Variants in TRMT10A observed in about 807,000 individuals in gnomAD.
The protein encoded by TRMT10A is tRNA methyltransferase 10A.
TRMT10A carries 37 observed loss-of-function variants against 40.4 expected under a neutral mutation model. That is an observed-to-expected ratio of 0.92 (90% confidence interval 0.71 to 1.21). TRMT10A has a LOEUF of 1.21. TRMT10A is among the 50% of genes most tolerant of loss of function. The pLI, the probability that TRMT10A is intolerant of heterozygous loss-of-function variation, is 0.00. For synonymous variants in TRMT10A, 103 were observed against 134.1 expected (o/e 0.77, Z 1.60); for missense variants, 388 against 404.3 (o/e 0.96, Z 0.35).
intron 6 of TRMT10A, among the ~76,000 whole-genome samples, chr4:99,551,360 C>T (rs942839421): frequency 2.0e-5 from 3 of 152,158 alleles, no homozygotes; most frequent in African/African-American, 4.8e-5. Context: ...GCTTAAAATA[C>T]AGTCCTGCAC....
At chr4:99,556,354 A>G (rs1019018743) in intron 4 of TRMT10A, 134 bp from the exon 5 acceptor site, 2 of 790,324 alleles carry the variant, frequency 2.5e-6, no homozygotes, top group Non-Finnish European at 2.0e-6. Flanking sequence ...TAGAAAAAAA[A>G]TTTGTGACAT....
intron 7 of TRMT10A, 92 bp downstream of exon 7, chr4:99,550,793 G>T: frequency 1.1e-6 from 1 of 881,306 alleles, no homozygotes; most frequent in Non-Finnish European, 1.8e-6. Flanking sequence ...CCAGGAAGGT[G>T]TAATACTTTC....
chr4:99,548,164 A>T lies in TRMT10A; in HGVS notation c.*924T>A, dbSNP rs1207516635. On this transcript the variant is annotated 3_prime_UTR_variant, in exon 8 of 8. Coordinates refer to ENST00000394876, the MANE Select transcript of TRMT10A (RefSeq NM_001134665.3). Reference sequence around the variant, plus strand: ...ACATGATGAGGATAGTTATGTATTTACATGCATATTATCACATGTGTATTT... The same window carrying T: ...ACATGATGAGGATAGTTATGTATTTTCATGCATATTATCACATGTGTATTT... The T allele has an allele frequency of 6.6e-6, 1 of 151,612 alleles. No individual in the cohort carries two copies. The highest frequency in any genetic ancestry group is 2.4e-5 in the African/African-American group (1 of 41,274). 9.4% of individuals were successfully genotyped at this position (151,612 alleles called of 1,614,324 possible).
chr4:99,557,520 C>G (rs1724211545), intron 3 of TRMT10A, 104 bp from the exon 4 acceptor site: 1 of 881,636 alleles, frequency 1.1e-6, no homozygotes. Context: ...TATATACATA[C>G]AATTTTTCTT....
At position 99,557,518 on chromosome 4, in the gene TRMT10A, T is replaced by C. The variant is rs191759751; in HGVS notation, c.349-102A>G. 1,405 of 919,258 alleles carry C rather than the reference T, an allele frequency of 1.5e-3. 4 individuals carry two copies. Among genetic ancestry groups the C allele is most frequent in the Non-Finnish European group, 1.9e-3 (1,195 of 625,964 alleles). The allele number at this position is 919,258 out of a possible 1,614,324, so 56.9% of individuals were successfully genotyped here. On this transcript the variant is annotated intron_variant, in intron 3 of 7. Transcript: ENST00000394876. The stretch of plus-strand genomic sequence containing the variant: ...TAAGCAGAAGGGATGACTATATACA[T>C]ACAATTTTTCTTCTTAAATACAAAT...
At chr4:99,561,336 CCTAT>C (rs375382653) in intron 1 of TRMT10A, among the ~76,000 whole-genome samples, 2 of 152,156 alleles carry the variant, frequency 1.3e-5, no homozygotes, top group African/African-American at 2.4e-5. Flanking sequence ...ATATGCCTTT[CCTAT>C]CTAAGAAGTC....
intron 3 of TRMT10A, 96 bp downstream of exon 3, chr4:99,557,953 A>G: frequency 8.3e-7 from 1 of 1,208,876 alleles, no homozygotes; most frequent in Non-Finnish European, 1.1e-6. Flanking sequence ...ATTCATTTCA[A>G]TACACAAATT....
intron 2 of TRMT10A, among the ~76,000 whole-genome samples, chr4:99,558,823 C>T (rs1164981097): frequency 6.6e-6 from 1 of 152,056 alleles, no homozygotes; most frequent in African/African-American, 2.4e-5. Context: ...AATTACATCC[C>T]TTATCTAAGT....
rs1724047275 is a variant in TRMT10A, at chr4:99,553,676, T to C, written c.645+109A>G. ...AGCTCAGAAGGTGACTGACATATAGTAGGCACTCAATAAAGATGAGCTATC... is the reference window on the plus strand; with the variant it reads ...AGCTCAGAAGGTGACTGACATATAGCAGGCACTCAATAAAGATGAGCTATC... On this transcript the variant is annotated intron_variant, in intron 6 of 7. Coordinates refer to ENST00000394876, the MANE Select transcript of TRMT10A (RefSeq NM_001134665.3). 3.7e-6 allele frequency: 4 copies of C among 1,073,294 alleles called. No individual in the cohort carries two copies. The South Asian group carries it at 5.1e-5, about 14-fold the overall frequency. 66.5% of individuals were successfully genotyped at this position (1,073,294 alleles called of 1,614,324 possible).
At chr4:99,550,729 A>T (rs952451288) in intron 7 of TRMT10A, among the ~76,000 whole-genome samples, 156 bp downstream of exon 7, 1 of 152,188 alleles carries the variant, frequency 6.6e-6, no homozygotes, top group Non-Finnish European at 1.5e-5. Flanking sequence ...ATTTTCTAAT[A>T]CACATTATTT....
intron 6 of TRMT10A, among the ~76,000 whole-genome samples, chr4:99,552,985 G>A (rs561508404): frequency 2.0e-5 from 3 of 151,872 alleles, no homozygotes; most frequent in Admixed American, 1.3e-4. Context: ...GAAAAAATGT[G>A]GTTCTATATA....
At chr4:99,549,485 CTTCT>C in intron 7 of TRMT10A, 129 bp from the exon 8 acceptor site, 1 of 1,233,818 alleles carries the variant, frequency 8.1e-7, no homozygotes, top group Non-Finnish European at 1.1e-6. Flanking sequence ...GTTCTTAGCT[CTTCT>C]TTCTATTGTC....
intron 1 of TRMT10A, chr4:99,563,460 G>T (rs1383025290): frequency 1.7e-5 from 3 of 174,818 alleles, no homozygotes; most frequent in Non-Finnish European, 3.7e-5. Context: ...GCTTTAAAGA[G>T]GTAAAGCCCA....
intron 2 of TRMT10A, among the ~76,000 whole-genome samples, chr4:99,558,424 A>T (rs1724254163): frequency 6.6e-6 from 1 of 152,126 alleles, no homozygotes; most frequent in South Asian, 2.1e-4. Context: ...AAAATGATCT[A>T]AAGCTTTCTA....
At chr4:99,555,642 C>T (rs1417948081) in intron 5 of TRMT10A, among the ~76,000 whole-genome samples, 2 of 152,148 alleles carry the variant, frequency 1.3e-5, no homozygotes, top group African/African-American at 4.8e-5. Context: ...AGGAGATATT[C>T]ACATTCTTTC....
chr4:99,550,989 C>T lies in TRMT10A; in HGVS notation c.647G>A (p.Gly216Glu), dbSNP rs748618515. 1.9e-6 allele frequency: 3 copies of T among 1,605,774 alleles called. No individual in the cohort carries two copies. The highest frequency in any genetic ancestry group is 2.3e-5 in the East Asian group (1 of 44,400). ...GGLVDHNHHK[G>E]LTYKQASDYG... is the part of the protein sequence containing the mutation. ...ATCTGACGCTTGTTTATATGTGAGTCCCTAAAACAAAGACACTATGACTTC... is the reference window on the plus strand; with the variant it reads ...ATCTGACGCTTGTTTATATGTGAGTTCCTAAAACAAAGACACTATGACTTC... The change falls in exon 7 of 8, where the codon GGA (glycine) becomes GAA (glutamate). Residue 216 changes from glycine (G) to glutamate (E), a missense_variant and splice_region_variant. Coordinates refer to ENST00000394876, the MANE Select transcript of TRMT10A (RefSeq NM_001134665.3).
chr4:99,563,761 A>G (rs1724565743), intron 1 of TRMT10A, 152 bp downstream of exon 1: 2 of 457,872 alleles, frequency 4.4e-6, no homozygotes, highest in Non-Finnish European at 8.4e-6. Context: ...CATTTCCTTC[A>G]GCAAGAGCGC....
At chr4:99,553,975 C>T (rs1724061288) in intron 5 of TRMT10A, 41 bp from the exon 6 acceptor site, 5 of 1,575,266 alleles carry the variant, frequency 3.2e-6, no homozygotes, top group African/African-American at 1.4e-5. Flanking sequence ...TTAATAAGAC[C>T]TTATGAAAGT....
intron 4 of TRMT10A, among the ~76,000 whole-genome samples, chr4:99,556,534 T>C (rs932322346): frequency 6.9e-6 from 1 of 145,480 alleles, no homozygotes; most frequent in African/African-American, 2.6e-5. Context: ...AAGTTCCCAC[T>C]CCTCTTTTTT....
Sources: gnomAD v4.1 joint callset for allele counts (sites outside exome capture counted in the v4.1 genomes callset) on GRCh38, gnomAD v4.1.1 for gene constraint, MANE v1.5 for transcripts, NCBI Gene and HGNC (gene_info 2026-07-23, HGNC 2026-07-21) for gene names.